The following RNF13 variants were observed in gnomAD, a reference collection of about 807,000 sequenced individuals.
RNF13 encodes E3 ubiquitin-protein ligase RNF13.
In RNF13, 19 loss-of-function variants were observed where a neutral mutation model predicts 37.7. The observed-to-expected ratio is 0.50, with a 90% CI of 0.35 to 0.74. RNF13 has a LOEUF of 0.74. RNF13 is among the 30% of genes least tolerant of loss of function. RNF13 has a pLI of 0.01. For missense variants in RNF13, 375 were observed against 453.0 expected, an observed-to-expected ratio of 0.83 and a Z score of 1.56; for synonymous variants, 144 against 157.8, an observed-to-expected ratio of 0.91 and a Z score of 0.65.
intron 4 of RNF13, among the ~76,000 whole-genome samples, chr3:149,879,440 C>T (rs1713126360): frequency 6.6e-6 from 1 of 151,664 alleles, no homozygotes; most frequent in African/African-American, 2.4e-5. Flanking sequence ...TCCCAAGTAG[C>T]TAGGACTATA....
At chr3:149,908,734 T>C (rs1485448628) in intron 6 of RNF13, among the ~76,000 whole-genome samples, 1 of 152,206 alleles carries the variant, frequency 6.6e-6, no homozygotes, top group Non-Finnish European at 1.5e-5. Context: ...GCTGTGTGGC[T>C]GTAAATCCAC....
At chr3:149,872,211 T>C (rs1332447367) in intron 4 of RNF13, 57 bp downstream of exon 4, 5 of 1,100,266 alleles carry the variant, frequency 4.5e-6, no homozygotes, top group Non-Finnish European at 2.6e-6. Flanking sequence ...CTAATTTAAA[T>C]CATTTACATC....
At chr3:149,861,163 A>T (rs531855290) in intron 3 of RNF13, among the ~76,000 whole-genome samples, 15 of 152,174 alleles carry the variant, frequency 9.9e-5, no homozygotes, top group African/African-American at 2.6e-4. Flanking sequence ...TGTTGGTGGG[A>T]ATGTAAATTA....
At chr3:149,835,372 T>C (rs996664447) in intron 1 of RNF13, among the ~76,000 whole-genome samples, 2 of 152,150 alleles carry the variant, frequency 1.3e-5, no homozygotes, top group African/African-American at 4.8e-5. Flanking sequence ...TTAGTGGTGA[T>C]TTGTGAGATT....
intron 8 of RNF13, among the ~76,000 whole-genome samples, chr3:149,953,916 AAAC>A (rs1371159971): frequency 2.1e-4 from 32 of 152,218 alleles, no homozygotes; most frequent in African/African-American, 7.7e-4. Context: ...TATAAAAGCA[AAAC>A]AACCTCTTAA....
chr3:149,840,819 T>C (rs1166038143), intron 1 of RNF13, among the ~76,000 whole-genome samples: 1 of 152,186 alleles, frequency 6.6e-6, no homozygotes, highest in Non-Finnish European at 1.5e-5. Context: ...GCACAACATA[T>C]CAACATAAAA....
Position 149,912,100 on chromosome 3 carries a change from T to C in RNF13, c.606+17T>C, listed in dbSNP as rs1308734948. On this transcript the variant is annotated intron_variant, in intron 7 of 9. Transcript: ENST00000392894. ...ATTTTCATGGTAGGTACATTAACTT[T>C]TAATAATTTTTAAAAAATAGTATGG... 8.2e-7 allele frequency: 1 copy of C among 1,214,900 alleles called. No homozygotes were observed. The highest frequency in any genetic ancestry group is 2.3e-5 in the East Asian group (1 of 42,866). The allele number at this position is 1,214,900 out of a possible 1,614,324, so 75.3% of individuals were successfully genotyped here.
At chr3:149,905,514 G>T (rs1716298736) in intron 6 of RNF13, among the ~76,000 whole-genome samples, 2 of 148,126 alleles carry the variant, frequency 1.4e-5, no homozygotes, top group African/African-American at 2.5e-5. Context: ...ACTTTTTTTT[G>T]TATTTTGAAA....
At chr3:149,911,589 G>T (rs528136734) in intron 6 of RNF13, among the ~76,000 whole-genome samples, 1 of 152,138 alleles carries the variant, frequency 6.6e-6, no homozygotes, top group African/African-American at 2.4e-5. Context: ...AACCCCGGAG[G>T]TGGAGGTTGC....
intron 1 of RNF13, among the ~76,000 whole-genome samples, chr3:149,820,800 G>A (rs1273996214): frequency 6.6e-6 from 1 of 152,142 alleles, no homozygotes. Context: ...CTATTAAGCA[G>A]TCATTCCCTG....
intron 8 of RNF13, 195 bp from the exon 9 acceptor site, chr3:149,959,861 A>G (rs1722210513): frequency 2.4e-6 from 1 of 424,884 alleles, no homozygotes; most frequent in South Asian, 4.9e-5. Context: ...TTTGTCATCA[A>G]TTTTTAACTA....
chr3:149,945,040 T>C (rs1353864587), intron 8 of RNF13, among the ~76,000 whole-genome samples: 4 of 152,366 alleles, frequency 2.6e-5, no homozygotes, highest in South Asian at 4.1e-4. Context: ...CTAGCCAGTT[T>C]TCCCAGCACC....
chr3:149,960,247 C>T, intron 9 of RNF13, 111 bp downstream of exon 9: 1 of 729,502 alleles, frequency 1.4e-6, no homozygotes, highest in South Asian at 1.7e-5. Flanking sequence ...AAGCCAGGCC[C>T]TGTACTAATT....
At chr3:149,831,992 A>G (rs1261113481) in intron 1 of RNF13, among the ~76,000 whole-genome samples, 1 of 152,152 alleles carries the variant, frequency 6.6e-6, no homozygotes, top group Non-Finnish European at 1.5e-5. Flanking sequence ...ATGATGTGTG[A>G]CTGGCTATTA....
At chr3:149,851,019 G>A (rs976473077) in intron 2 of RNF13, among the ~76,000 whole-genome samples, 1 of 152,182 alleles carries the variant, frequency 6.6e-6, no homozygotes, top group Non-Finnish European at 1.5e-5. Context: ...TCCCAGCAAT[G>A]ACAGAATGAA....
intron 6 of RNF13, among the ~76,000 whole-genome samples, chr3:149,907,408 A>G (rs1716536753): frequency 6.6e-6 from 1 of 152,084 alleles, no homozygotes; most frequent in Non-Finnish European, 1.5e-5. Flanking sequence ...TTATTGTTTT[A>G]TTGTACTTTA....
chr3:149,815,252 A>G (rs1037219039), intron 1 of RNF13, among the ~76,000 whole-genome samples: 1 of 152,176 alleles, frequency 6.6e-6, no homozygotes, highest in African/African-American at 2.4e-5. Context: ...GGATAGATTT[A>G]TGTCTTTGAG....
chr3:149,894,879 A>G (rs1402682685), intron 4 of RNF13, among the ~76,000 whole-genome samples: 1 of 152,146 alleles, frequency 6.6e-6, no homozygotes, highest in Non-Finnish European at 1.5e-5. Context: ...GACACTTTCC[A>G]GATCTTTCAT....
chr3:149,846,065 A>T lies in RNF13; in HGVS notation c.39A>T (p.Thr13=). The T allele has an allele frequency of 6.2e-7, 1 of 1,612,310 alleles. No individual in the cohort carries two copies. Among genetic ancestry groups the T allele is most frequent in the Non-Finnish European group, 8.5e-7 (1 of 1,179,768 alleles). The change falls in exon 2 of 10, where the codon ACA becomes ACT. Residue 13 remains threonine, a synonymous_variant. Transcript: ENST00000392894. ...TAGGGATGCTCATGCTGTCAGCCACACAAGTCTACACCATCTTGACTGTCC... is the reference window on the plus strand; with the variant it reads ...TAGGGATGCTCATGCTGTCAGCCACTCAAGTCTACACCATCTTGACTGTCC... ...LSIGMLMLSA[T]QVYTILTVQL...
Sources: gnomAD v4.1 joint callset for allele counts (sites outside exome capture counted in the v4.1 genomes callset) on GRCh38, gnomAD v4.1.1 for gene constraint, MANE v1.5 for transcripts, NCBI Gene and HGNC (gene_info 2026-07-23, HGNC 2026-07-21) for gene names.